The following TMEM229B variants were observed in gnomAD, a reference collection of about 807,000 sequenced individuals.
TMEM229B encodes transmembrane protein 229B.
TMEM229B carries 6 observed loss-of-function variants against 13.7 expected under a neutral mutation model. The ratio of observed to expected loss-of-function variants is 0.44; its 90% confidence interval spans 0.24 to 0.86. The LOEUF (loss-of-function observed/expected upper bound fraction) is 0.86, where lower values mean the gene tolerates loss of function less well. TMEM229B is among the 40% of genes least tolerant of loss of function. TMEM229B has a pLI of 0.23. For missense variants in TMEM229B, 170 were observed against 236.0 expected, an observed-to-expected ratio of 0.72 and a Z score of 1.83; for synonymous variants, 107 against 102.1, an observed-to-expected ratio of 1.05 and a Z score of -0.29.
intron 1 of TMEM229B, among the ~76,000 whole-genome samples, chr14:67,532,823 G>A (rs2033508401): frequency 6.6e-6 from 1 of 152,226 alleles, no homozygotes; most frequent in Non-Finnish European, 1.5e-5. Flanking sequence ...AGTTCCCACA[G>A]GTGGCCAGGA....
upstream of TMEM229B, among the ~76,000 whole-genome samples, chr14:67,517,539 T>C (rs2033226185): frequency 6.6e-6 from 1 of 152,196 alleles, no homozygotes; most frequent in Non-Finnish European, 1.5e-5. Context: ...GAAGCTCTAT[T>C]GTAGAAGCCA....
At chr14:67,514,672 C>T (rs2033140034) in intron 1 of TMEM229B, among the ~76,000 whole-genome samples, 2 of 152,136 alleles carry the variant, frequency 1.3e-5, no homozygotes, top group Admixed American at 1.3e-4. Flanking sequence ...CAGACTGTCA[C>T]CCCCCTCCAC....
chr14:67,506,606 T>C (rs2032835221), intron 1 of TMEM229B, among the ~76,000 whole-genome samples: 1 of 152,140 alleles, frequency 6.6e-6, no homozygotes, highest in African/African-American at 2.4e-5. Context: ...GTTTGGTGGG[T>C]TCAGTGGGAA....
At chr14:67,481,970 A>T (rs971616148) in intron 2 of TMEM229B, among the ~76,000 whole-genome samples, 1 of 152,228 alleles carries the variant, frequency 6.6e-6, no homozygotes, top group Non-Finnish European at 1.5e-5. Flanking sequence ...AGTGTGAGCA[A>T]GGTTGAATGC....
intron 1 of TMEM229B, among the ~76,000 whole-genome samples, chr14:67,520,452 C>A (rs1172472172): frequency 1.3e-5 from 2 of 152,246 alleles, no homozygotes; most frequent in African/African-American, 4.8e-5. Context: ...CCTTTTCAAA[C>A]TAACTTCTTT....
intron 1 of TMEM229B, among the ~76,000 whole-genome samples, chr14:67,504,760 C>T (rs184858850): frequency 1.1e-4 from 16 of 152,134 alleles, no homozygotes; most frequent in African/African-American, 3.1e-4. Flanking sequence ...TGGCGGGTGC[C>T]CATAATCCCA....
intron 1 of TMEM229B, among the ~76,000 whole-genome samples, chr14:67,513,480 T>C (rs2033095577): frequency 6.6e-6 from 1 of 152,194 alleles, no homozygotes; most frequent in African/African-American, 2.4e-5. Context: ...TACCTATAAG[T>C]GGCCAAAATC....
intron 2 of TMEM229B, among the ~76,000 whole-genome samples, chr14:67,477,451 CT>C (rs1177078252): frequency 6.6e-6 from 1 of 152,198 alleles, no homozygotes. Context: ...TTCTCTTCCT[CT>C]TCTGAATTTC....
intron 1 of TMEM229B, among the ~76,000 whole-genome samples, chr14:67,499,795 C>T (rs533947378): frequency 6.6e-6 from 1 of 151,990 alleles, no homozygotes; most frequent in Non-Finnish European, 1.5e-5. Context: ...GGAAAGGCAG[C>T]CTCAATTCCC....
intron 1 of TMEM229B, among the ~76,000 whole-genome samples, chr14:67,508,872 GA>G (rs2032932920): frequency 6.6e-6 from 1 of 151,564 alleles, no homozygotes; most frequent in Non-Finnish European, 1.5e-5. Flanking sequence ...TATTTTCTCA[GA>G]AGAACAGAAT....
At chr14:67,518,758 G>T (rs2033245552), upstream of TMEM229B, among the ~76,000 whole-genome samples, 1 of 152,210 alleles carries the variant, frequency 6.6e-6, no homozygotes, top group Admixed American at 6.5e-5. Context: ...CTTTATGCTT[G>T]TTAGAGAGAA....
upstream of TMEM229B, among the ~76,000 whole-genome samples, chr14:67,489,907 G>A (rs920900583): frequency 3.1e-4 from 47 of 151,900 alleles, no homozygotes; most frequent in Admixed American, 2.8e-3. Context: ...GGAGAATGGC[G>A]TGAACCTGGG....
intron 1 of TMEM229B, among the ~76,000 whole-genome samples, chr14:67,502,399 C>T (rs903584845): frequency 2.7e-5 from 4 of 149,500 alleles, no homozygotes; most frequent in African/African-American, 9.8e-5. Context: ...TTGTTATAAA[C>T]TTGTGCTGAA....
chr14:67,490,213 A>G (rs2032111550), upstream of TMEM229B, among the ~76,000 whole-genome samples: 1 of 152,174 alleles, frequency 6.6e-6, no homozygotes, highest in African/African-American at 2.4e-5. Flanking sequence ...TGAGCCATAC[A>G]TGTTGGTTTA....
chr14:67,498,551 A>G (rs1432804884), intron 1 of TMEM229B, among the ~76,000 whole-genome samples: 1 of 152,244 alleles, frequency 6.6e-6, no homozygotes, highest in Non-Finnish European at 1.5e-5. Flanking sequence ...ACCATTTCAG[A>G]TAATGTGCCC....
At chr14:67,480,399 A>G (rs2031512997) in intron 2 of TMEM229B, among the ~76,000 whole-genome samples, 1 of 152,186 alleles carries the variant, frequency 6.6e-6, no homozygotes, top group South Asian at 2.1e-4. Flanking sequence ...GTGAGCCTCC[A>G]GCTTCCCTGT....
intron 1 of TMEM229B, among the ~76,000 whole-genome samples, chr14:67,526,917 C>G (rs867143512): frequency 1.3e-5 from 2 of 152,160 alleles, no homozygotes; most frequent in African/African-American, 2.4e-5. Flanking sequence ...GACACACCAT[C>G]GAAAACCCTG....
At chr14:67,517,753 G>A (rs1009340241), upstream of TMEM229B, among the ~76,000 whole-genome samples, 1 of 152,124 alleles carries the variant, frequency 6.6e-6, no homozygotes, top group Admixed American at 6.5e-5. Context: ...TCTCTGGGTA[G>A]GACAGCTATT....
At chr14:67,532,454 C>T (rs1307371776) in intron 1 of TMEM229B, among the ~76,000 whole-genome samples, 1 of 152,164 alleles carries the variant, frequency 6.6e-6, no homozygotes. Context: ...TTGAGTTTTC[C>T]AACCCCTCTG....
Sources: gnomAD v4.1 joint callset for allele counts (sites outside exome capture counted in the v4.1 genomes callset) on GRCh38, gnomAD v4.1.1 for gene constraint, MANE v1.5 for transcripts, NCBI Gene and HGNC (gene_info 2026-07-23, HGNC 2026-07-21) for gene names.